Variants in PDE1C observed in about 807,000 individuals in gnomAD.
PDE1C encodes phosphodiesterase 1C.
PDE1C carries 62 observed loss-of-function variants against 93.1 expected under a neutral mutation model. That is an observed-to-expected ratio of 0.67 (90% CI 0.54 to 0.82). The LOEUF (loss-of-function observed/expected upper bound fraction) is 0.82. Among genes scored for constraint, PDE1C ranks in the 40% least tolerant of loss-of-function variants. PDE1C has a pLI of 0.00. For synonymous variants in PDE1C, 325 were observed against 310.1 expected (o/e 1.05, Z -0.50); for missense variants, 742 against 884.6 (o/e 0.84, Z 2.04).
At chr7:32,426,061 A>T (rs772554222) in intron 1 of PDE1C, among the ~76,000 whole-genome samples, 6 of 152,212 alleles carry the variant, frequency 3.9e-5, no homozygotes, top group Non-Finnish European at 4.4e-5. Context: ...ATATATATTA[A>T]TGAGTTTCAC....
At chr7:32,336,998 A>G (rs1783638943) in intron 1 of PDE1C, among the ~76,000 whole-genome samples, 1 of 151,860 alleles carries the variant, frequency 6.6e-6, no homozygotes, top group Non-Finnish European at 1.5e-5. Context: ...GCCCTCCCTC[A>G]TCCCCAGACA....
chr7:31,711,728 C>T, the PDE1C span, among the ~76,000 whole-genome samples: 5 of 152,018 alleles, frequency 3.3e-5, no homozygotes. Context: ...TTTTGTCTTC[C>T]CTCGCCCCAC....
chr7:31,837,443 T>C, intron 10 of PDE1C, 143 bp from the exon 11 acceptor site: 2 of 724,988 alleles, frequency 2.8e-6, no homozygotes, highest in Non-Finnish European at 4.2e-6. Context: ...AAAGACATCA[T>C]TTCATCCTAC....
intron 2 of PDE1C, among the ~76,000 whole-genome samples, chr7:31,988,813 G>A (rs1275562002): frequency 6.6e-6 from 1 of 152,070 alleles, no homozygotes; most frequent in African/African-American, 2.4e-5. Flanking sequence ...TGGCGCACAT[G>A]GTGAAACCCT....
At chr7:32,209,837 T>G (rs964705069) in intron 1 of PDE1C, among the ~76,000 whole-genome samples, 1 of 152,186 alleles carries the variant, frequency 6.6e-6, no homozygotes, top group African/African-American at 2.4e-5. Flanking sequence ...ATCCACTTAG[T>G]AAGAGGCACA....
At chr7:32,111,758 T>G (rs10486500) in intron 3 of PDE1C, among the ~76,000 whole-genome samples, 18,703 of 152,176 alleles carry the variant, frequency 0.12, 2,013 homozygotes, top group African/African-American at 0.29. Context: ...GTAGCTCACT[T>G]TATGAATCAG....
chr7:31,648,346 A>C, the PDE1C span, among the ~76,000 whole-genome samples: 1 of 151,968 alleles, frequency 6.6e-6, no homozygotes. Flanking sequence ...AGAAGAAGAA[A>C]AAGAAGAAAT....
chr7:32,308,567 G>A (rs1245700975), intron 1 of PDE1C, among the ~76,000 whole-genome samples: 6 of 152,308 alleles, frequency 3.9e-5, no homozygotes, highest in African/African-American at 7.2e-5. Flanking sequence ...CAGCATTTGC[G>A]GTTCACCAAG....
chr7:32,310,432 A>G (rs935059496), intron 1 of PDE1C, among the ~76,000 whole-genome samples: 20 of 152,236 alleles, frequency 1.3e-4, no homozygotes, highest in Admixed American at 6.5e-5. Flanking sequence ...TCTCTACCCC[A>G]AATCAACAGA....
At chr7:32,119,945 G>A (rs1289804148) in intron 3 of PDE1C, among the ~76,000 whole-genome samples, 1 of 152,184 alleles carries the variant, frequency 6.6e-6, no homozygotes, top group African/African-American at 2.4e-5. Context: ...TTGGGAGAGG[G>A]GCCACAGCCA....
the PDE1C span, among the ~76,000 whole-genome samples, chr7:31,742,860 CCA>C: frequency 1.3e-5 from 2 of 152,152 alleles, no homozygotes; most frequent in Non-Finnish European, 2.9e-5. Flanking sequence ...TATTCTGTCC[CCA>C]GTGTGGTCCC....
chr7:32,414,409 C>T (rs1785231505), intron 1 of PDE1C, among the ~76,000 whole-genome samples: 1 of 151,994 alleles, frequency 6.6e-6, no homozygotes, highest in Non-Finnish European at 1.5e-5. Context: ...AAAATGTATA[C>T]ATATACAGTA....
upstream of PDE1C, among the ~76,000 whole-genome samples, chr7:32,074,387 G>A (rs2128730982): frequency 6.6e-6 from 1 of 152,292 alleles, no homozygotes; most frequent in African/African-American, 2.4e-5. Flanking sequence ...ATCACAGGTT[G>A]ATCCATTTCA....
intron 1 of PDE1C, among the ~76,000 whole-genome samples, chr7:32,414,849 A>G (rs1785240394): frequency 6.6e-6 from 1 of 151,516 alleles, no homozygotes; most frequent in African/African-American, 2.4e-5. Flanking sequence ...AAAAGCCTGT[A>G]AAAAGATTCA....
intron 2 of PDE1C, among the ~76,000 whole-genome samples, chr7:31,983,771 C>G (rs775739313): frequency 4.6e-5 from 7 of 152,146 alleles, no homozygotes; most frequent in Non-Finnish European, 8.8e-5. Flanking sequence ...TTAAAACCCT[C>G]TGATTTATCA....
At chr7:32,082,744 G>A (rs13229239) in intron 3 of PDE1C, among the ~76,000 whole-genome samples, 17,778 of 152,244 alleles carry the variant, frequency 0.12, 1,248 homozygotes, top group Middle Eastern at 0.17. Flanking sequence ...GGCAAACAGC[G>A]TCTGAAGTGG....
At chr7:32,209,259 CA>C (rs1355776193) in intron 2 of PDE1C, among the ~76,000 whole-genome samples, 1 of 152,172 alleles carries the variant, frequency 6.6e-6, no homozygotes, top group African/African-American at 2.4e-5. Flanking sequence ...CTTGGAATAG[CA>C]AAGGCTTAGA....
In PDE1C at chr7:31,995,304, T is replaced by C. The variant is rs529387070; in HGVS notation, c.128+56250A>G. Among the ~76,000 whole-genome samples the C allele has an allele frequency of 2.0e-5, 3 of 152,276 alleles. No individual in the cohort carries two copies. In the South Asian group the frequency reaches 6.2e-4, roughly 32 times the overall value. ...GCCCCTCTTGGTCAGAGGTCTATTT[T>C]GTGAACTGCTTGATGGACAAGAGAG... is the stretch of plus-strand genomic sequence containing the variant. On this transcript the variant is annotated intron_variant, in intron 2 of 17. Transcript: ENST00000396191.
the PDE1C span, among the ~76,000 whole-genome samples, chr7:31,698,043 T>G: frequency 6.6e-6 from 1 of 152,200 alleles, no homozygotes; most frequent in African/African-American, 2.4e-5. Flanking sequence ...TGTGGCAGAA[T>G]TGGGGCTCAA....
Sources: allele counts gnomAD v4.1 joint callset (sites outside exome capture counted in the v4.1 genomes callset), GRCh38; gene constraint gnomAD v4.1.1; transcripts MANE v1.5; gene names NCBI Gene and HGNC (gene_info 2026-07-23, HGNC 2026-07-21).